Variants in TMEM30A observed in about 807,000 individuals in gnomAD.
TMEM30A encodes the protein cell cycle control protein 50A.
TMEM30A carries 24 observed loss-of-function variants against 38.2 expected under a neutral mutation model. That is an observed-to-expected ratio of 0.63 (90% CI 0.46 to 0.88). TMEM30A has a LOEUF of 0.88. Among genes scored for constraint, TMEM30A ranks in the 40% least tolerant of loss-of-function variants. The pLI is 0.00. For synonymous variants in TMEM30A, 145 were observed against 161.6 expected, an observed-to-expected ratio of 0.90 and a Z score of 0.78; for missense variants, 370 against 458.6, an observed-to-expected ratio of 0.81 and a Z score of 1.77.
chr6:75,274,672 G>T (rs1772229903), intron 1 of TMEM30A, among the ~76,000 whole-genome samples: 1 of 152,194 alleles, frequency 6.6e-6, no homozygotes, highest in Admixed American at 6.5e-5. Flanking sequence ...AAAACCCTAT[G>T]GATGGTGATG....
chr6:75,261,286 A>T (rs1253555525), intron 3 of TMEM30A, among the ~76,000 whole-genome samples: 1 of 152,216 alleles, frequency 6.6e-6, no homozygotes, highest in Admixed American at 6.5e-5. Context: ...TTAAACTGGA[A>T]CTAAAGAGGC....
intron 2 of TMEM30A, 78 bp downstream of exon 2, chr6:75,267,563 C>A: frequency 1.0e-6 from 1 of 963,492 alleles, no homozygotes; most frequent in Non-Finnish European, 1.5e-6. Flanking sequence ...AAGGAAAATA[C>A]CTTGTAAAAG....
Position 75,267,766 on chromosome 6 carries a change from A to G in TMEM30A, c.238-18T>C. On this transcript the variant is annotated intron_variant, in intron 1 of 6. Coordinates refer to ENST00000230461, the MANE Select transcript of TMEM30A (RefSeq NM_018247.4). ...TAATCAATCTGCAAGAGAAAAATAT[A>G]ACTAAGCACTTCCTTAGAGAAAGTG... is the stretch of plus-strand genomic sequence containing the variant. 5.8e-6 allele frequency: 9 copies of G among 1,542,874 alleles called. No individual in the cohort carries two copies. Among genetic ancestry groups the G allele is most frequent in the East Asian group, 2.3e-5 (1 of 43,864 alleles).
intron 1 of TMEM30A, among the ~76,000 whole-genome samples, chr6:75,282,844 A>G (rs1772381220): frequency 6.6e-6 from 1 of 152,150 alleles, no homozygotes; most frequent in African/African-American, 2.4e-5. Context: ...GATTACGGAA[A>G]TTTTCCAAGA....
chr6:75,270,310 T>C (rs2149521821), intron 1 of TMEM30A, among the ~76,000 whole-genome samples: 1 of 152,328 alleles, frequency 6.6e-6, no homozygotes, highest in Non-Finnish European at 1.5e-5. Flanking sequence ...ATGTTGAGCA[T>C]TTTTATATGC....
intron 1 of TMEM30A, among the ~76,000 whole-genome samples, chr6:75,273,423 AC>A (rs1371646510): frequency 2.0e-5 from 3 of 151,624 alleles, no homozygotes; most frequent in African/African-American, 7.3e-5. Context: ...CTAGCACCTG[AC>A]CTCCTGGAGT....
In TMEM30A at chr6:75,265,344, G is replaced by A. The variant is rs1319665661; in HGVS notation, c.346-6C>T. 1.9e-6 allele frequency: 3 copies of A among 1,548,552 alleles called. No homozygotes were observed. The highest frequency in any genetic ancestry group is 1.4e-5 in the African/African-American group (1 of 72,222). On this transcript the variant is annotated splice_region_variant and splice_polypyrimidine_tract_variant and intron_variant, in intron 2 of 6. Coordinates refer to ENST00000230461, the MANE Select transcript of TMEM30A (RefSeq NM_018247.4). ...TAATACATAAACACGTTGCCCTAGA[G>A]AAACAGAGAGGGAAAAAATTTTCAT...
chr6:75,280,926 C>T (rs950348564), intron 1 of TMEM30A, among the ~76,000 whole-genome samples: 4 of 151,936 alleles, frequency 2.6e-5, no homozygotes, highest in Non-Finnish European at 5.9e-5. Context: ...TCTAATAATT[C>T]AATTTAGGAG....
At position 75,259,437 on chromosome 6, in the gene TMEM30A, A is replaced by C. The variant is rs752729350; in HGVS notation, c.595T>G (p.Leu199Val). The C allele has an allele frequency of 1.2e-6, 2 of 1,613,432 alleles. No individual in the cohort carries two copies. The highest frequency in any genetic ancestry group is 2.2e-5 in the South Asian group (2 of 91,042). ...CACCAAGCAATACCTTTCTTTTTCA[A>C]AGCGATAGGTATAGGATAAGAATCA... The part of the protein sequence containing the change: ...GNDSYPIPIA[L>V]KKKGIAWWTD... The change falls in exon 5 of 7, where the codon TTG becomes GTG. Residue 199 changes from leucine to valine, a missense_variant. Transcript: ENST00000230461.
intron 1 of TMEM30A, among the ~76,000 whole-genome samples, chr6:75,269,071 T>G (rs980549056): frequency 6.6e-6 from 1 of 152,208 alleles, no homozygotes; most frequent in South Asian, 2.1e-4. Flanking sequence ...ACTCTCTGCC[T>G]CTGACACACA....
At chr6:75,259,897 T>C (rs1771934070) in intron 4 of TMEM30A, among the ~76,000 whole-genome samples, 1 of 152,194 alleles carries the variant, frequency 6.6e-6, no homozygotes, top group Admixed American at 6.5e-5. Context: ...GTCTTTCATA[T>C]GTGGTTGGTC....
At chr6:75,271,896 G>C (rs1235313095) in intron 1 of TMEM30A, among the ~76,000 whole-genome samples, 3 of 152,142 alleles carry the variant, frequency 2.0e-5, no homozygotes, top group African/African-American at 7.2e-5. Flanking sequence ...AGGAATAATA[G>C]ATGGACCAAC....
intron 3 of TMEM30A, among the ~76,000 whole-genome samples, chr6:75,264,870 G>C (rs1005710804): frequency 6.6e-6 from 1 of 152,114 alleles, no homozygotes; most frequent in Non-Finnish European, 1.5e-5. Flanking sequence ...GGGAGGCCGA[G>C]GTGGGCAGAT....
At position 75,259,923 on chromosome 6, in the gene TMEM30A, T is replaced by C. The variant is rs139935761; in HGVS notation, c.542-433A>G. Among the ~76,000 whole-genome samples the C allele has an allele frequency of 6.5e-3, 988 of 152,326 alleles. 11 individuals carry two copies. The highest frequency in any genetic ancestry group is 0.023 in the African/African-American group (947 of 41,572). On this transcript the variant is annotated intron_variant, in intron 4 of 6. Transcript: ENST00000230461. ...GTGGTTGGTCCAAATGAGTATGTTC[T>C]ATAAGTGTACAATACACATCAGATA...
chr6:75,281,548 T>C (rs948405423), intron 1 of TMEM30A, among the ~76,000 whole-genome samples: 1 of 152,160 alleles, frequency 6.6e-6, no homozygotes, highest in Admixed American at 6.5e-5. Flanking sequence ...AGCATTAAAA[T>C]GTGAAAATAT....
intron 3 of TMEM30A, among the ~76,000 whole-genome samples, chr6:75,262,199 T>A (rs1771976642): frequency 6.6e-6 from 1 of 151,900 alleles, no homozygotes; most frequent in African/African-American, 2.4e-5. Flanking sequence ...TACAAAAAAT[T>A]AGCCAGGCAT....
Position 75,284,584 on chromosome 6 carries a change from G to C in TMEM30A, c.55C>G (p.Pro19Ala), listed in dbSNP as rs368590824. ...CTCCGAGTCTTCGCGGTGCCCCCCG[G>C]AGCACACGGGGGCCCACCGTCCACT... Reference protein sequence around the residue: ...DEVDGGPPCAPGGTAKTRRPD... With the variant: ...DEVDGGPPCAAGGTAKTRRPD... The change falls in exon 1 of 7, where the codon CCG (proline) becomes GCG (alanine). Residue 19 changes from proline to alanine, a missense_variant. Transcript: ENST00000230461. 21 of 1,613,578 alleles carry C rather than the reference G, an allele frequency of 1.3e-5. No individual in the cohort carries two copies. Among genetic ancestry groups the C allele is most frequent in the Middle Eastern group, 3.3e-4 (2 of 6,080 alleles).
At position 75,284,154 on chromosome 6, in the gene TMEM30A, C is replaced by T. The variant is rs368701584; in HGVS notation, c.237+248G>A. 299 of 554,068 alleles carry T rather than the reference C, an allele frequency of 5.4e-4. 3 individuals carry two copies. The highest frequency in any genetic ancestry group is 5.4e-3 in the South Asian group (272 of 50,494). 34.3% of individuals were successfully genotyped at this position (554,068 alleles called of 1,614,324 possible). On this transcript the variant is annotated intron_variant, in intron 1 of 6. Transcript: ENST00000230461. Reference sequence around the variant, plus strand: ...CTATCTTCTGCATTAAACATTCATTCCGTCTCAGCTCATTCCGTGGATTTG... The same window carrying T: ...CTATCTTCTGCATTAAACATTCATTTCGTCTCAGCTCATTCCGTGGATTTG...
intron 6 of TMEM30A, among the ~76,000 whole-genome samples, chr6:75,258,010 T>C (rs1219415122): frequency 3.3e-5 from 5 of 152,192 alleles, no homozygotes; most frequent in African/African-American, 1.2e-4. Flanking sequence ...TCTATGCAGA[T>C]ATGGGTTGGT....
Sources: allele counts gnomAD v4.1 joint callset (sites outside exome capture counted in the v4.1 genomes callset), GRCh38; gene constraint gnomAD v4.1.1; transcripts MANE v1.5; gene names NCBI Gene and HGNC (gene_info 2026-07-23, HGNC 2026-07-21).